Variants in AGBL1 observed in about 807,000 individuals in gnomAD.
The protein encoded by AGBL1 is cytosolic carboxypeptidase 4.
Under a neutral mutation model 118.9 loss-of-function variants are expected in AGBL1, and 130 were observed. That is an observed-to-expected ratio of 1.09 (90% confidence interval 0.95 to 1.26). The LOEUF is 1.26. Among genes scored for constraint, AGBL1 ranks in the 50% most tolerant of loss-of-function variants. The pLI is 0.00. For missense variants in AGBL1, 1,584 were observed against 1,298.1 expected (o/e 1.22, Z -3.38); for synonymous variants, 555 against 478.9 (o/e 1.16, Z -2.08).
rs1014101934 is a variant in AGBL1 at position 86,592,255 on chromosome 15, C to T, written c.2994+37718C>T. On this transcript the variant is annotated intron_variant, in intron 21 of 22. Coordinates refer to ENST00000614907, the MANE Select transcript of AGBL1 (RefSeq NM_001386094.1). ...TTTCTTATCAAACTGTTAGCAGCAGCGAATCCAACGGGTCTGCAGCAAACT... is the reference window on the plus strand; with the variant it reads ...TTTCTTATCAAACTGTTAGCAGCAGTGAATCCAACGGGTCTGCAGCAAACT... 3.9e-5 allele frequency among the ~76,000 whole-genome samples: 6 copies of T among 152,090 alleles called. No individual in the cohort carries two copies. The East Asian group carries it at 5.8e-4, about 15-fold the overall frequency.
intron 16 of AGBL1, among the ~76,000 whole-genome samples, chr15:86,291,256 T>C (rs550437582): frequency 4.6e-4 from 70 of 152,314 alleles, no homozygotes; most frequent in African/African-American, 1.6e-3. Context: ...TCCCCTCTTC[T>C]TTCAAGATCT....
At chr15:86,278,707 C>A (rs1168426367) in intron 15 of AGBL1, among the ~76,000 whole-genome samples, 1 of 152,152 alleles carries the variant, frequency 6.6e-6, no homozygotes, top group Non-Finnish European at 1.5e-5. Context: ...GGTGGAATTA[C>A]ATCTTGGTGT....
chr15:86,151,340 C>T (rs62012452), intron 3 of AGBL1, among the ~76,000 whole-genome samples: 1 of 149,378 alleles, frequency 6.7e-6, no homozygotes, highest in Non-Finnish European at 1.5e-5. Flanking sequence ...ACAATCAAGT[C>T]AGCTTCATCC....
chr15:86,931,747 A>G (rs886795676), intron 23 of AGBL1, among the ~76,000 whole-genome samples: 2 of 152,140 alleles, frequency 1.3e-5, no homozygotes, highest in African/African-American at 4.8e-5. Context: ...CTATTTTCCT[A>G]GAGTTATTTG....
chr15:86,945,219 G>C (rs191826618), intron 23 of AGBL1, among the ~76,000 whole-genome samples: 62 of 131,448 alleles, frequency 4.7e-4, no homozygotes, highest in African/African-American at 1.7e-3. Flanking sequence ...ACCCAAGTCT[G>C]GGCAACAGAG....
rs928925983 is a variant in AGBL1 at position 86,914,870 on chromosome 15, A to G, written c.*7576A>G. 1 of 152,172 alleles carries G rather than the reference A, an allele frequency of 6.6e-6. No homozygotes were observed. Among genetic ancestry groups the G allele is most frequent in the Non-Finnish European group, 1.5e-5 (1 of 68,050 alleles). The allele number at this position is 152,172 out of a possible 1,614,324, so 9.4% of individuals were successfully genotyped here. On this transcript the variant is annotated 3_prime_UTR_variant, in exon 23 of 23. Coordinates refer to ENST00000614907, the MANE Select transcript of AGBL1 (RefSeq NM_001386094.1). The stretch of plus-strand genomic sequence containing the variant: ...TGTTGTTCTTGTAGATCCTTGACTC[A>G]AATACAAGTAACTCCTACTGGCCAT...
At chr15:86,139,128 C>T (rs1023086406) in intron 1 of AGBL1, among the ~76,000 whole-genome samples, 2 of 152,126 alleles carry the variant, frequency 1.3e-5, no homozygotes, top group East Asian at 3.9e-4. Flanking sequence ...ACATTTAGTG[C>T]AGCTGTGATG....
At chr15:86,997,571 C>G (rs568807215) in intron 24 of AGBL1, among the ~76,000 whole-genome samples, 1 of 152,194 alleles carries the variant, frequency 6.6e-6, no homozygotes, top group African/African-American at 2.4e-5. Flanking sequence ...GAAAAAAGCA[C>G]AATAGATATT....
intron 18 of AGBL1, among the ~76,000 whole-genome samples, chr15:86,438,657 C>CTTTTTTTTTTT (rs35937855): frequency 3.0e-5 from 4 of 131,622 alleles, no homozygotes; most frequent in African/African-American, 2.9e-5. Context: ...TAATCTGTCT[C>CTTTTTTTTTTT]TTTTTTTTTT....
intron 23 of AGBL1, among the ~76,000 whole-genome samples, chr15:86,981,022 G>A (rs917832908): frequency 1.3e-5 from 2 of 151,508 alleles, no homozygotes; most frequent in South Asian, 2.1e-4. Context: ...GAGTAGCTGC[G>A]ACTACAGGCG....
intron 6 of AGBL1, among the ~76,000 whole-genome samples, chr15:86,232,461 A>C (rs544763779): frequency 2.6e-5 from 4 of 152,304 alleles, no homozygotes; most frequent in African/African-American, 7.2e-5. Flanking sequence ...ATTCCATACT[A>C]TCTGTGCTTC....
chr15:86,127,722 G>A (rs911794338), intron 1 of AGBL1, among the ~76,000 whole-genome samples: 1 of 152,230 alleles, frequency 6.6e-6, no homozygotes, highest in Non-Finnish European at 1.5e-5. Flanking sequence ...GTGAACATGT[G>A]ACTGAGTTTT....
intron 22 of AGBL1, among the ~76,000 whole-genome samples, chr15:86,758,945 C>G (rs1176393735): frequency 7.3e-6 from 1 of 137,778 alleles, no homozygotes; most frequent in African/African-American, 2.8e-5. Context: ...GGCACTCCAG[C>G]CTGGATGACA....
At chr15:86,508,445 A>G (rs1279589734) in intron 18 of AGBL1, among the ~76,000 whole-genome samples, 1 of 152,142 alleles carries the variant, frequency 6.6e-6, no homozygotes, top group Non-Finnish European at 1.5e-5. Context: ...GACTTTTTCC[A>G]GGAAACCTAT....
chr15:86,584,977 T>C (rs1324976347), intron 21 of AGBL1, among the ~76,000 whole-genome samples: 1 of 152,300 alleles, frequency 6.6e-6, no homozygotes, highest in East Asian at 1.9e-4. Context: ...TTGATTTGGC[T>C]CTCAGCTTGA....
chr15:86,088,469 TG>T (rs1367952015), intron 1 of AGBL1: 1 of 152,284 alleles, frequency 6.6e-6, no homozygotes, highest in African/African-American at 2.4e-5. Flanking sequence ...GAGAAAGTGC[TG>T]GTATCCGTTA....
intron 22 of AGBL1, among the ~76,000 whole-genome samples, chr15:86,734,126 A>G (rs1596418449): frequency 1.3e-5 from 2 of 152,178 alleles, no homozygotes; most frequent in African/African-American, 4.8e-5. Flanking sequence ...TGATCAGGCT[A>G]TAAGCAACCC....
intron 22 of AGBL1, among the ~76,000 whole-genome samples, chr15:86,737,976 A>G (rs965111536): frequency 3.9e-5 from 6 of 152,030 alleles, no homozygotes; most frequent in African/African-American, 1.2e-4. Flanking sequence ...CAGGGATGCA[A>G]GGAAGGTTCA....
intron 5 of AGBL1, among the ~76,000 whole-genome samples, chr15:86,208,767 A>C (rs1264457787): frequency 3.3e-5 from 5 of 152,106 alleles, no homozygotes; most frequent in Admixed American, 6.5e-5. Context: ...TTTCAAAAAA[A>C]CAGCTCCTGG....
Sources: gnomAD v4.1 joint callset for allele counts (sites outside exome capture counted in the v4.1 genomes callset) on GRCh38, gnomAD v4.1.1 for gene constraint, MANE v1.5 for transcripts, NCBI Gene and HGNC (gene_info 2026-07-23, HGNC 2026-07-21) for gene names.